The following TNR variants were observed in gnomAD, a reference collection of about 807,000 sequenced individuals.
TNR encodes the protein tenascin R.
TNR carries 45 observed loss-of-function variants against 150.4 expected under a neutral mutation model. That is an observed-to-expected ratio of 0.30 (90% confidence interval 0.24 to 0.38). The LOEUF (loss-of-function observed/expected upper bound fraction) is 0.38. Among genes scored for constraint, TNR ranks in the 10% least tolerant of loss-of-function variants. The probability of loss-of-function intolerance (pLI) is 1.00; values close to 1 mark genes in which losing one functional copy is unlikely to be tolerated. For missense variants in TNR, 1,544 were observed against 1,759.1 expected (o/e 0.88, Z 2.19); for synonymous variants, 687 against 678.4 (o/e 1.01, Z -0.20).
At chr1:175,429,317 G>C (rs1655157325) in intron 2 of TNR, among the ~76,000 whole-genome samples, 2 of 152,264 alleles carry the variant, frequency 1.3e-5, no homozygotes, top group South Asian at 4.1e-4. Context: ...TATAGATAAA[G>C]ATACAGATTA....
At chr1:175,564,705 G>A (rs1226489398) in intron 1 of TNR, among the ~76,000 whole-genome samples, 1 of 152,068 alleles carries the variant, frequency 6.6e-6, no homozygotes, top group East Asian at 1.9e-4. Context: ...GGAGACTGGG[G>A]CCACTCCTGA....
chr1:175,725,570 A>G (rs1385405215), intron 1 of TNR, among the ~76,000 whole-genome samples: 1 of 152,256 alleles, frequency 6.6e-6, no homozygotes, highest in Non-Finnish European at 1.5e-5. Context: ...CATCAATAAC[A>G]GTCATGGCAA....
chr1:175,733,567 G>C (rs73037259), intron 1 of TNR, among the ~76,000 whole-genome samples: 1 of 152,076 alleles, frequency 6.6e-6, no homozygotes, highest in South Asian at 2.1e-4. Context: ...ACGAAAAAAA[G>C]GGGTAGGGGT....
chr1:175,612,530 A>G (rs1454756952), intron 1 of TNR, among the ~76,000 whole-genome samples: 1 of 152,208 alleles, frequency 6.6e-6, no homozygotes, highest in African/African-American at 2.4e-5. Context: ...GGCTGGGCCC[A>G]CAGGCAGTGC....
At chr1:175,563,051 A>T (rs10158732) in intron 1 of TNR, among the ~76,000 whole-genome samples, 14,324 of 152,272 alleles carry the variant, frequency 0.094, 726 homozygotes, top group Middle Eastern at 0.14. Context: ...AAGCAAGGCA[A>T]TGTATTTGTC....
chr1:175,360,025 T>G (rs1651520946), intron 14 of TNR, among the ~76,000 whole-genome samples: 1 of 152,204 alleles, frequency 6.6e-6, no homozygotes, highest in South Asian at 2.1e-4. Context: ...TAAAGAGGAT[T>G]TCAAGATATG....
chr1:175,512,212 C>T (rs1281843183), intron 2 of TNR, among the ~76,000 whole-genome samples: 2 of 152,188 alleles, frequency 1.3e-5, no homozygotes, highest in Admixed American at 6.5e-5. Context: ...GAAGGAGGAG[C>T]ACCCTCTCCA....
At chr1:175,428,132 A>C (rs538773687) in intron 2 of TNR, among the ~76,000 whole-genome samples, 2 of 152,358 alleles carry the variant, frequency 1.3e-5, no homozygotes, top group South Asian at 4.1e-4. Flanking sequence ...TTCAGCAAAC[A>C]ATTATTGAAT....
intron 6 of TNR, among the ~76,000 whole-genome samples, chr1:175,392,909 T>C (rs1011210901): frequency 1.3e-5 from 2 of 152,222 alleles, no homozygotes; most frequent in Non-Finnish European, 2.9e-5. Context: ...AGTTCACAGC[T>C]CTAAGAATTT....
intron 1 of TNR, among the ~76,000 whole-genome samples, chr1:175,692,253 A>T (rs1342530045): frequency 7.1e-6 from 1 of 140,162 alleles, no homozygotes; most frequent in Non-Finnish European, 1.5e-5. Flanking sequence ...GGGTCGGGAC[A>T]CTCCAGGACT....
chr1:175,642,041 C>T (rs929305169), intron 1 of TNR, among the ~76,000 whole-genome samples: 14 of 152,220 alleles, frequency 9.2e-5, no homozygotes, highest in South Asian at 6.2e-4. Context: ...GAGGCAGACC[C>T]GGTAATCCTA....
At chr1:175,552,828 C>T (rs917461920) in intron 1 of TNR, among the ~76,000 whole-genome samples, 6 of 152,150 alleles carry the variant, frequency 3.9e-5, no homozygotes, top group Non-Finnish European at 8.8e-5. Flanking sequence ...TTTTCTCGTG[C>T]CTCCAGATTT....
intron 2 of TNR, among the ~76,000 whole-genome samples, chr1:175,522,946 T>C (rs1179231797): frequency 6.6e-6 from 1 of 152,244 alleles, no homozygotes; most frequent in African/African-American, 2.4e-5. Flanking sequence ...TGATCAATTC[T>C]CATCTGTATG....
chr1:175,528,010 T>C (rs1350126931), intron 2 of TNR, among the ~76,000 whole-genome samples: 1 of 152,182 alleles, frequency 6.6e-6, no homozygotes, highest in Non-Finnish European at 1.5e-5. Context: ...ACACTTTCAT[T>C]ACCAACCGCA....
At chr1:175,705,474 A>G (rs1477065391) in intron 1 of TNR, among the ~76,000 whole-genome samples, 1 of 152,160 alleles carries the variant, frequency 6.6e-6, no homozygotes, top group East Asian at 1.9e-4. Context: ...TAGAAAGATA[A>G]AGATATGGTT....
At chr1:175,687,256 T>G (rs1175952505) in intron 1 of TNR, among the ~76,000 whole-genome samples, 2 of 152,178 alleles carry the variant, frequency 1.3e-5, no homozygotes, top group African/African-American at 4.8e-5. Flanking sequence ...TCATTTCCAC[T>G]GACAAGCACC....
At chr1:175,524,161 C>T (rs113904837) in intron 2 of TNR, among the ~76,000 whole-genome samples, 1,968 of 152,192 alleles carry the variant, frequency 0.013, 57 homozygotes, top group African/African-American at 0.045. Context: ...CGTAGTTAGG[C>T]GTGAGGGAGG....
At chr1:175,632,118 A>G (rs959292489) in intron 1 of TNR, among the ~76,000 whole-genome samples, 4 of 152,262 alleles carry the variant, frequency 2.6e-5, no homozygotes, top group Non-Finnish European at 5.9e-5. Context: ...TTCAGGGCCC[A>G]TGTCACCCAA....
intron 5 of TNR, among the ~76,000 whole-genome samples, chr1:175,396,304 T>C (rs1394201374): frequency 6.6e-6 from 1 of 152,242 alleles, no homozygotes; most frequent in African/African-American, 2.4e-5. Context: ...TAAAGTACTT[T>C]TTGTCCTTTT....
Sources: gnomAD v4.1 joint callset for allele counts (sites outside exome capture counted in the v4.1 genomes callset) on GRCh38, gnomAD v4.1.1 for gene constraint, MANE v1.5 for transcripts, NCBI Gene and HGNC (gene_info 2026-07-23, HGNC 2026-07-21) for gene names.